LIFR: variants seen among roughly 807,000 people sequenced by gnomAD.
LIFR encodes the protein leukemia inhibitory factor receptor.
A neutral mutation model predicts 122.2 loss-of-function variants in LIFR; 84 were observed. That is an observed-to-expected ratio of 0.69 (90% confidence interval 0.58 to 0.82). The LOEUF (loss-of-function observed/expected upper bound fraction) is 0.82, where lower values mean the gene tolerates loss of function less well. Among genes scored for constraint, LIFR ranks in the 40% least tolerant of loss-of-function variants. LIFR has a pLI of 0.00. For missense variants in LIFR, 1,294 were observed against 1,311.6 expected, an observed-to-expected ratio of 0.99 and a Z score of 0.21; for synonymous variants, 422 against 434.7, an observed-to-expected ratio of 0.97 and a Z score of 0.36.
chr5:38,509,455 A>T (rs1561158608), intron 7 of LIFR, among the ~76,000 whole-genome samples: 1 of 152,154 alleles, frequency 6.6e-6, no homozygotes, highest in African/African-American at 2.4e-5. Flanking sequence ...ACGAGCACCT[A>T]AACCCGGCTA....
intron 16 of LIFR, 90 bp downstream of exon 16, chr5:38,488,988 A>G (rs1744429925): frequency 9.5e-7 from 1 of 1,047,748 alleles, no homozygotes; most frequent in South Asian, 1.3e-5. Context: ...AACCAGTACT[A>G]AACTACTGAG....
At chr5:38,497,799 A>T (rs958507084) in intron 12 of LIFR, among the ~76,000 whole-genome samples, 1 of 152,170 alleles carries the variant, frequency 6.6e-6, no homozygotes. Flanking sequence ...TCCATAATAC[A>T]GTTATATACA....
At chr5:38,557,919 T>C (rs1480361160), upstream of LIFR, 3 of 152,152 alleles carry the variant, frequency 2.0e-5, no homozygotes, top group Non-Finnish European at 4.4e-5. Context: ...CTATTATAAG[T>C]ACTCGAAACC....
chr5:38,517,099 G>C (rs929774285), intron 5 of LIFR, among the ~76,000 whole-genome samples: 18 of 152,012 alleles, frequency 1.2e-4, no homozygotes, highest in African/African-American at 4.1e-4. Flanking sequence ...GAGAAATACC[G>C]AATGTAGATG....
At chr5:38,485,446 C>CA (rs1324965200) in intron 17 of LIFR, among the ~76,000 whole-genome samples, 7 of 152,138 alleles carry the variant, frequency 4.6e-5, no homozygotes, top group Non-Finnish European at 8.8e-5. Flanking sequence ...TTGTGCTTTA[C>CA]AAAAAATTTT....
intron 12 of LIFR, 75 bp from the exon 13 acceptor site, chr5:38,496,670 C>T: frequency 9.4e-7 from 1 of 1,065,800 alleles, no homozygotes. Flanking sequence ...TGGGTTTAAA[C>T]TGGACACTAT....
At chr5:38,513,479 TAA>T (rs765367501) in intron 5 of LIFR, among the ~76,000 whole-genome samples, 9 of 152,204 alleles carry the variant, frequency 5.9e-5, no homozygotes, top group Non-Finnish European at 1.2e-4. Context: ...GGCAGAAGAA[TAA>T]AGATTTATGT....
At chr5:38,557,886 G>T (rs1580188328), upstream of LIFR, 2 of 152,084 alleles carry the variant, frequency 1.3e-5, no homozygotes, top group African/African-American at 4.8e-5. Flanking sequence ...TTACCCCTAA[G>T]ACCTTGTTTG....
Position 38,478,988 on chromosome 5 carries a change from A to G in LIFR, c.*2607T>C. Reference sequence around the variant, plus strand: ...GACAGAGCACAATCAGTATGAGACCACCTTGTAAATGCAGGCATGCAACCT... The same window carrying G: ...GACAGAGCACAATCAGTATGAGACCGCCTTGTAAATGCAGGCATGCAACCT... On this transcript the variant is annotated 3_prime_UTR_variant, in exon 20 of 20. Coordinates refer to ENST00000453190, the MANE Select transcript of LIFR (RefSeq NM_001127671.2). 1 of 231,280 alleles carries G rather than the reference A, an allele frequency of 4.3e-6. No homozygotes were observed. Among genetic ancestry groups the G allele is most frequent in the Non-Finnish European group, 8.6e-6 (1 of 116,738 alleles). The allele number at this position is 231,280 out of a possible 1,614,324, so 14.3% of individuals were successfully genotyped here.
chr5:38,583,270 G>T (rs1749645403), intron 1 of LIFR, among the ~76,000 whole-genome samples: 1 of 152,196 alleles, frequency 6.6e-6, no homozygotes, highest in African/African-American at 2.4e-5. Context: ...ATGATACATG[G>T]AGAATGGAGT....
Position 38,496,610 on chromosome 5 carries a change from C to T in LIFR, c.1672-15G>A, listed in dbSNP as rs376231803. 1.3e-6 allele frequency: 2 copies of T among 1,576,570 alleles called. No homozygotes were observed. The highest frequency in any genetic ancestry group is 1.1e-5 in the South Asian group (1 of 90,240). Reference sequence around the variant, plus strand: ...ATGGGTAAAGGCTATGAAAAACAGACAAATTGTTATAAAACCCTGCAAAAC... The same window carrying T: ...ATGGGTAAAGGCTATGAAAAACAGATAAATTGTTATAAAACCCTGCAAAAC... On this transcript the variant is annotated splice_polypyrimidine_tract_variant and intron_variant, in intron 12 of 19. Coordinates refer to ENST00000453190, the MANE Select transcript of LIFR (RefSeq NM_001127671.2).
chr5:38,485,494 A>G (rs184260039), intron 17 of LIFR: 5 of 368,138 alleles, frequency 1.4e-5, no homozygotes, highest in Non-Finnish European at 5.0e-6. Flanking sequence ...TAGATATGTT[A>G]GAAATCACAT....
In LIFR at chr5:38,478,779, T is replaced by C. The variant is rs549374459; in HGVS notation, c.*2816A>G. On this transcript the variant is annotated 3_prime_UTR_variant, in exon 20 of 20. Transcript: ENST00000453190. ...TACATGAATTACTATCCCACAGATA[T>C]GATGGAACATAATGCTAGTTTGACA... is the stretch of plus-strand genomic sequence containing the variant. The C allele has an allele frequency of 1.9e-4, 41 of 218,360 alleles. No homozygotes were observed. The highest frequency in any genetic ancestry group is 3.2e-4 in the Non-Finnish European group (35 of 108,408). The allele number at this position is 218,360 out of a possible 1,614,324, so 13.5% of individuals were successfully genotyped here.
chr5:38,486,043 A>G (rs1744271309), intron 16 of LIFR, 63 bp from the exon 17 acceptor site: 3 of 1,474,492 alleles, frequency 2.0e-6, no homozygotes, highest in Middle Eastern at 2.2e-4. Context: ...ATGGTTACCC[A>G]CACCTGTCTC....
intron 1 of LIFR, among the ~76,000 whole-genome samples, chr5:38,586,248 T>C (rs981356566): frequency 1.3e-5 from 2 of 152,216 alleles, no homozygotes; most frequent in African/African-American, 4.8e-5. Flanking sequence ...CCTCGTTCCT[T>C]TAACTCACAG....
chr5:38,491,782 G>A (rs768397594), intron 14 of LIFR, among the ~76,000 whole-genome samples: 12 of 152,170 alleles, frequency 7.9e-5, no homozygotes, highest in Non-Finnish European at 1.5e-4. Flanking sequence ...GTGCTGGCAC[G>A]TCCTAAGTAT....
At chr5:38,484,186 C>T (rs932679384) in intron 18 of LIFR, among the ~76,000 whole-genome samples, 3 of 152,236 alleles carry the variant, frequency 2.0e-5, no homozygotes, top group Non-Finnish European at 4.4e-5. Context: ...GCTCGCAGGA[C>T]GTAGCCCCCT....
intron 5 of LIFR, 40 bp downstream of exon 5, chr5:38,523,379 T>C (rs1318629139): frequency 6.5e-7 from 1 of 1,547,382 alleles, no homozygotes; most frequent in Non-Finnish European, 8.8e-7. Flanking sequence ...TTATTCAGTT[T>C]CTTTAATGTC....
intron 6 of LIFR, 104 bp from the exon 7 acceptor site, chr5:38,510,822 C>T: frequency 2.2e-6 from 2 of 908,204 alleles, no homozygotes; most frequent in Non-Finnish European, 3.4e-6. Context: ...TTTAAAATAG[C>T]CCAGTATATA....
Sources: gnomAD v4.1 joint callset for allele counts (sites outside exome capture counted in the v4.1 genomes callset) on GRCh38, gnomAD v4.1.1 for gene constraint, MANE v1.5 for transcripts, NCBI Gene and HGNC (gene_info 2026-07-23, HGNC 2026-07-21) for gene names.